Variants in SNX29 observed in about 807,000 individuals in gnomAD.
SNX29 encodes sorting nexin 29.
SNX29 carries 78 observed loss-of-function variants against 102.1 expected under a neutral mutation model. The ratio of observed to expected loss-of-function variants is 0.76; its 90% CI spans 0.64 to 0.92. SNX29 has a LOEUF of 0.92. Among genes scored for constraint, SNX29 ranks in the 40% least tolerant of loss-of-function variants. The probability of loss-of-function intolerance (pLI) is 0.00; values close to 1 mark genes in which losing one functional copy is unlikely to be tolerated. For synonymous variants in SNX29, 580 were observed against 414.5 expected (o/e 1.40, Z -4.85); for missense variants, 1,280 against 1,061.7 (o/e 1.21, Z -2.86).
chr16:12,562,645 G>C (rs1393676673), intron 20 of SNX29, among the ~76,000 whole-genome samples: 1 of 152,136 alleles, frequency 6.6e-6, no homozygotes, highest in Admixed American at 6.5e-5. Context: ...TTCCCTGAGG[G>C]GCTGTTTTAT....
At chr16:12,482,309 C>CTTCCT (rs1327775501) in intron 19 of SNX29, among the ~76,000 whole-genome samples, 1 of 151,184 alleles carries the variant, frequency 6.6e-6, no homozygotes, top group Non-Finnish European at 1.5e-5. Flanking sequence ...TTCCTTTTCC[C>CTTCCT]TTCCTTTCCT....
At chr16:12,567,544 G>A (rs557920566) in intron 20 of SNX29, among the ~76,000 whole-genome samples, 14 of 152,154 alleles carry the variant, frequency 9.2e-5, no homozygotes, top group African/African-American at 2.2e-4. Flanking sequence ...CAGCACTTTA[G>A]GAGGCTGAGC....
chr16:12,567,002 G>T (rs375729980), intron 20 of SNX29, among the ~76,000 whole-genome samples: 2 of 152,226 alleles, frequency 1.3e-5, no homozygotes, highest in Non-Finnish European at 2.9e-5. Flanking sequence ...AAGGTGCAAC[G>T]CAAAGTAGAT....
At chr16:12,552,384 G>A (rs1489755842) in intron 20 of SNX29, among the ~76,000 whole-genome samples, 4 of 152,222 alleles carry the variant, frequency 2.6e-5, no homozygotes, top group Admixed American at 6.5e-5. Context: ...CAGCAAGCAT[G>A]GTACCTGGCG....
intron 14 of SNX29, among the ~76,000 whole-genome samples, chr16:12,272,933 A>T (rs1237498302): frequency 6.6e-6 from 1 of 152,170 alleles, no homozygotes; most frequent in Non-Finnish European, 1.5e-5. Context: ...AACACACGCA[A>T]CACGCAGCTC....
At chr16:12,533,951 T>C (rs8061726) in intron 20 of SNX29, among the ~76,000 whole-genome samples, 43 of 152,362 alleles carry the variant, frequency 2.8e-4, no homozygotes, top group African/African-American at 1.0e-3. Context: ...GGAAACTCCT[T>C]TGTTTGCTTA....
At chr16:12,321,707 G>T (rs1009480717) in intron 15 of SNX29, among the ~76,000 whole-genome samples, 7 of 152,174 alleles carry the variant, frequency 4.6e-5, no homozygotes, top group African/African-American at 1.2e-4. Flanking sequence ...GGATACCCAG[G>T]TCTTATGAGG....
chr16:12,279,870 G>A (rs2079376753), intron 15 of SNX29, among the ~76,000 whole-genome samples: 1 of 152,212 alleles, frequency 6.6e-6, no homozygotes, highest in African/African-American at 2.4e-5. Flanking sequence ...AGGATGAAAG[G>A]TTCTGTTCCT....
chr16:12,270,529 C>T (rs2079059985), intron 14 of SNX29, among the ~76,000 whole-genome samples: 1 of 152,182 alleles, frequency 6.6e-6, no homozygotes, highest in African/African-American at 2.4e-5. Context: ...GTCTCTCATG[C>T]CTTGACCCCA....
chr16:12,452,398 T>G lies in SNX29; in HGVS notation c.2038-25321T>G, dbSNP rs1450976587. ...CTGTGTTCTCAATAGCGGGTAGCCG[T>G]CAAATGGTAAGTGCTCTGTGCCAGG... On this transcript the variant is annotated intron_variant, in intron 18 of 20. Coordinates refer to ENST00000566228, the MANE Select transcript of SNX29 (RefSeq NM_032167.5). 1.6e-4 allele frequency among the ~76,000 whole-genome samples: 3 copies of G among 19,196 alleles called. No individual in the cohort carries two copies. The African/African-American group carries it at 3.2e-3, about 21-fold the overall frequency. The allele number at this position is 19,196 out of a possible 152,430, so 12.6% of individuals were successfully genotyped here.
intron 3 of SNX29, among the ~76,000 whole-genome samples, chr16:12,020,072 G>A (rs1341149677): frequency 2.6e-5 from 4 of 151,858 alleles, no homozygotes; most frequent in African/African-American, 7.3e-5. Flanking sequence ...GACCTAAATA[G>A]CTATTGTTTA....
chr16:12,335,338 C>T (rs1435814713), intron 15 of SNX29, among the ~76,000 whole-genome samples: 1 of 151,966 alleles, frequency 6.6e-6, no homozygotes, highest in Non-Finnish European at 1.5e-5. Context: ...TTCATTTCAT[C>T]AAGCAAAAAA....
Position 12,048,654 on chromosome 16 carries a change from G to A in SNX29, c.748+34G>A, listed in dbSNP as rs866906047. On this transcript the variant is annotated intron_variant, in intron 7 of 20. Coordinates refer to ENST00000566228, the MANE Select transcript of SNX29 (RefSeq NM_032167.5). The stretch of plus-strand genomic sequence containing the variant: ...GAACGGGTGCTCGAGGCGGAGCAGA[G>A]GGAATCAGAATGTGGCGGATGGGGT... 6.8e-6 allele frequency: 11 copies of A among 1,613,872 alleles called. No homozygotes were observed. In the Middle Eastern group the frequency reaches 5.0e-4, roughly 73 times the overall value.
At chr16:12,094,234 C>G (rs750747826) in intron 11 of SNX29, among the ~76,000 whole-genome samples, 1 of 151,948 alleles carries the variant, frequency 6.6e-6, no homozygotes, top group East Asian at 1.9e-4. Flanking sequence ...CCTGAGCTAT[C>G]GAAGGGTGTT....
chr16:12,564,709 C>A (rs1001609040), intron 20 of SNX29, among the ~76,000 whole-genome samples: 6 of 152,080 alleles, frequency 3.9e-5, no homozygotes, highest in Non-Finnish European at 5.9e-5. Flanking sequence ...GAGCTGCAAG[C>A]CCACTTTGTT....
At position 12,524,750 on chromosome 16, in the gene SNX29, C is replaced by T. The variant is rs1276522342; in HGVS notation, c.2227C>T (p.Arg743Cys). 16 of 1,613,590 alleles carry T rather than the reference C, an allele frequency of 9.9e-6. No individual in the cohort carries two copies. Among genetic ancestry groups the T allele is most frequent in the East Asian group, 2.2e-5 (1 of 44,888 alleles). ...GAGAAAGCAGCTCCAGAATTACCTGCGCAGCGTCATGAACAAAGTCATCCA... is the reference window on the plus strand; with the variant it reads ...GAGAAAGCAGCTCCAGAATTACCTGTGCAGCGTCATGAACAAAGTCATCCA... Reference protein sequence around the residue: ...ERRKQLQNYLRSVMNKVIQMV... With the variant: ...ERRKQLQNYLCSVMNKVIQMV... The change falls in exon 20 of 21, where the codon CGC (arginine) becomes TGC (cysteine). Residue 743 changes from arginine to cysteine, a missense_variant. Coordinates refer to ENST00000566228, the MANE Select transcript of SNX29 (RefSeq NM_032167.5).
At chr16:12,563,799 C>T (rs531010095) in intron 20 of SNX29, among the ~76,000 whole-genome samples, 4 of 152,214 alleles carry the variant, frequency 2.6e-5, no homozygotes, top group African/African-American at 4.8e-5. Flanking sequence ...ACTGCAACAC[C>T]CACCCATTTG....
At chr16:12,517,231 T>C (rs1397101794) in intron 19 of SNX29, among the ~76,000 whole-genome samples, 1 of 152,058 alleles carries the variant, frequency 6.6e-6, no homozygotes, top group Non-Finnish European at 1.5e-5. Context: ...TCCTGTGGCT[T>C]CTCATCTGAA....
chr16:12,059,301 C>A (rs1374690476), intron 8 of SNX29, among the ~76,000 whole-genome samples: 1 of 152,244 alleles, frequency 6.6e-6, no homozygotes, highest in East Asian at 1.9e-4. Flanking sequence ...CCCCTGACCA[C>A]CTCTGGGTGC....
Sources: allele counts gnomAD v4.1 joint callset (sites outside exome capture counted in the v4.1 genomes callset), GRCh38; gene constraint gnomAD v4.1.1; transcripts MANE v1.5; gene names NCBI Gene and HGNC (gene_info 2026-07-23, HGNC 2026-07-21).